CPLANE1: variants seen among roughly 807,000 people sequenced by gnomAD.
The protein encoded by CPLANE1 is ciliogenesis and planar polarity effector complex subunit 1.
Under a neutral mutation model 362.5 loss-of-function variants are expected in CPLANE1, and 263 were observed. The ratio of observed to expected loss-of-function variants is 0.73; its 90% CI spans 0.66 to 0.80. The LOEUF (loss-of-function observed/expected upper bound fraction) is 0.80, where lower values mean the gene tolerates loss of function less well. Ranked by LOEUF, CPLANE1 falls within the 30% of genes least tolerant of loss-of-function variation. The pLI is 0.00. For synonymous variants in CPLANE1, 1,212 were observed against 1,302.6 expected (o/e 0.93, Z 1.50); for missense variants, 3,461 against 3,793.4 (o/e 0.91, Z 2.30).
chr5:37,176,879 C>A (rs1481111685), intron 30 of CPLANE1, among the ~76,000 whole-genome samples: 1 of 152,018 alleles, frequency 6.6e-6, no homozygotes, highest in Non-Finnish European at 1.5e-5. Context: ...CTGCCTCAGC[C>A]TCCCGAGTAG....
At position 37,125,336 on chromosome 5, in the gene CPLANE1, T is replaced by C; in HGVS notation, c.8866A>G (p.Arg2956Gly). The change falls in exon 47 of 53, where the codon AGA becomes GGA. Residue 2956 changes from arginine (R) to glycine (G), a missense_variant. By Grantham distance (125) the Arg-to-Gly change is moderately radical. Coordinates refer to ENST00000651892, the MANE Select transcript of CPLANE1 (RefSeq NM_001384732.1). ...TTTGCCATTCTTTCTTTTCGTTTTC[T>C]TTTCATCCAGGCTTGAATCTCTCTT... ...ERREIQAWMK[R>G]KRKERMAKYL... 6.2e-7 allele frequency: 1 copy of C among 1,614,074 alleles called. No individual in the cohort carries two copies. Among genetic ancestry groups the C allele is most frequent in the Non-Finnish European group, 8.5e-7 (1 of 1,179,974 alleles).
downstream of CPLANE1, among the ~76,000 whole-genome samples, chr5:37,105,512 A>G (rs1302893970): frequency 6.6e-6 from 1 of 152,170 alleles, no homozygotes; most frequent in Admixed American, 6.5e-5. Flanking sequence ...CACATATAAA[A>G]ACCAAAATAG....
At chr5:37,095,914 A>C in the CPLANE1 span, among the ~76,000 whole-genome samples, 2 of 152,216 alleles carry the variant, frequency 1.3e-5, no homozygotes, top group African/African-American at 4.8e-5. Context: ...AACAATGCTG[A>C]AGGAAATCAT....
At chr5:37,205,495 G>T in intron 17 of CPLANE1, 41 bp from the exon 18 acceptor site, 1 of 1,357,854 alleles carries the variant, frequency 7.4e-7, no homozygotes, top group Non-Finnish European at 9.8e-7. Context: ...TCCAAATTTT[G>T]AAAAAAAAGG....
chr5:37,082,134 A>G, the CPLANE1 span, among the ~76,000 whole-genome samples: 2 of 152,128 alleles, frequency 1.3e-5, no homozygotes, highest in Admixed American at 1.3e-4. Flanking sequence ...TTAAATGTAG[A>G]GAAATAACAG....
intron 52 of CPLANE1, 60 bp from the exon 53 acceptor site, chr5:37,107,838 A>G (rs971906127): frequency 1.4e-6 from 2 of 1,472,978 alleles, no homozygotes; most frequent in South Asian, 1.4e-5. Context: ...AAAAACAAAA[A>G]CAAAAAAACC....
At chr5:37,160,860 A>G (rs1157601475) in intron 38 of CPLANE1, among the ~76,000 whole-genome samples, 1 of 151,854 alleles carries the variant, frequency 6.6e-6, no homozygotes, top group African/African-American at 2.4e-5. Context: ...TTTAGTAGAG[A>G]TGGGGTTTCA....
At chr5:37,083,658 G>A in the CPLANE1 span, among the ~76,000 whole-genome samples, 8 of 152,198 alleles carry the variant, frequency 5.3e-5, no homozygotes, top group East Asian at 1.9e-4. Flanking sequence ...CAATAAAATC[G>A]AATAAGTAGA....
rs771245317 is a variant in CPLANE1 at position 37,169,450 on chromosome 5, C to A, written c.6574G>T (p.Ala2192Ser). Residue 2192 changes from alanine (A) to serine (S), a missense_variant, in exon 34 of 53, where the codon GCT (alanine) becomes TCT (serine). Physicochemically the swap from Ala to Ser is moderately conservative, Grantham distance 99 (BLOSUM62 1). Around this residue, in one of 2 missense-constraint regions of CPLANE1, gnomAD observed 3,380 missense variants for 3,666.1 expected, o/e 0.92. Transcript: ENST00000651892. ...LPSTSFYPAP[A>S]GNTHLYLLST... ...AAAAGGTAGAGGTGAGTATTTCCAGCAGGAGCTGGATAAAACGAAGTGGAT... is the reference window on the plus strand; with the variant it reads ...AAAAGGTAGAGGTGAGTATTTCCAGAAGGAGCTGGATAAAACGAAGTGGAT... 7 of 1,614,118 alleles carry A rather than the reference C, an allele frequency of 4.3e-6. No individual in the cohort carries two copies. The highest frequency in any genetic ancestry group is 5.9e-6 in the Non-Finnish European group (7 of 1,180,026).
intron 51 of CPLANE1, among the ~76,000 whole-genome samples, chr5:37,112,255 A>G (rs1161803203): frequency 6.6e-6 from 1 of 152,242 alleles, no homozygotes; most frequent in Non-Finnish European, 1.5e-5. Context: ...ATCTTCACCT[A>G]TGGGGTATTA....
chr5:37,231,084 A>G (rs1428627049), intron 8 of CPLANE1, 35 bp from the exon 9 acceptor site: 1 of 1,422,000 alleles, frequency 7.0e-7, no homozygotes, highest in South Asian at 1.5e-5. Context: ...TTTAGAAGAG[A>G]TACTTTACAA....
At position 37,209,380 on chromosome 5, in the gene CPLANE1, A is replaced by AT; in HGVS notation, c.2921-2956_2921-2955insA. ...TGACGGCTGATGATGGCTCAGTCCAACATGCTCCCCGTGGCTGATGTGTTG... is the reference window on the plus strand; with the variant it reads ...TGACGGCTGATGATGGCTCAGTCCAATCATGCTCCCCGTGGCTGATGTGTTG... On this transcript the variant is annotated intron_variant, in intron 16 of 52. Coordinates refer to ENST00000651892, the MANE Select transcript of CPLANE1 (RefSeq NM_001384732.1). The surrounding 1 kb of genome is among the most constrained non-coding windows in gnomAD (Gnocchi z 4.6). 8.8e-7 allele frequency: 1 copy of AT among 1,136,350 alleles called. No individual in the cohort carries two copies. 70.4% of individuals were successfully genotyped at this position (1,136,350 alleles called of 1,614,324 possible).
Position 37,121,682 on chromosome 5 carries a change from T to A in CPLANE1, c.9120A>T (p.Lys3040Asn). The change falls in exon 49 of 53, where the codon AAA becomes AAT. Residue 3040 changes from lysine (K) to asparagine (N), a missense_variant. Transcript: ENST00000651892. ...ESVQLPTLPQ[K>N]PLPNKPSPTQ... ...TAGGGCTGGGTTTGTTAGGCAATGG[T>A]TTCTGTGGTAGAGTTGGTAGCTGTA... 1 of 1,614,160 alleles carries A rather than the reference T, an allele frequency of 6.2e-7. No homozygotes were observed. The highest frequency in any genetic ancestry group is 1.1e-5 in the South Asian group (1 of 91,076).
chr5:37,197,325 G>A (rs1279621241), intron 20 of CPLANE1, among the ~76,000 whole-genome samples: 2 of 152,144 alleles, frequency 1.3e-5, no homozygotes, highest in African/African-American at 4.8e-5. Flanking sequence ...CAAATCTCCT[G>A]GGAAGCATGC....
At chr5:37,197,947 T>G (rs903394541) in intron 20 of CPLANE1, among the ~76,000 whole-genome samples, 11 of 152,192 alleles carry the variant, frequency 7.2e-5, no homozygotes, top group South Asian at 2.1e-4. Flanking sequence ...TCAAAAATAC[T>G]TTTAGATAAC....
chr5:37,155,125 C>T (rs921087531), intron 41 of CPLANE1, among the ~76,000 whole-genome samples: 10 of 152,180 alleles, frequency 6.6e-5, no homozygotes, highest in Non-Finnish European at 1.5e-4. Flanking sequence ...TTATCTCTAG[C>T]CTATCTAGTC....
In CPLANE1 at chr5:37,176,988, G is replaced by T. The variant is rs188715959; in HGVS notation, c.5900+633C>A. On this transcript the variant is annotated intron_variant, in intron 30 of 52. Coordinates refer to ENST00000651892, the MANE Select transcript of CPLANE1 (RefSeq NM_001384732.1). Reference sequence around the variant, plus strand: ...TTAGCCAGGATGGTCTTGATCTCTTGACCTCATGATCCACCCGCCTCGGCC... The same window carrying T: ...TTAGCCAGGATGGTCTTGATCTCTTTACCTCATGATCCACCCGCCTCGGCC... Among the ~76,000 whole-genome samples, 202 of 152,190 alleles carry T rather than the reference G, an allele frequency of 1.3e-3. 1 individual carries two copies. Among genetic ancestry groups the T allele is most frequent in the African/African-American group, 4.7e-3 (195 of 41,522 alleles).
intron 15 of CPLANE1, among the ~76,000 whole-genome samples, chr5:37,217,927 C>T (rs1413968466): frequency 6.6e-6 from 1 of 151,892 alleles, no homozygotes; most frequent in Non-Finnish European, 1.5e-5. Context: ...TTGCAATGAG[C>T]CGAGATCGTG....
chr5:37,173,030 G>A (rs988432990), intron 32 of CPLANE1, among the ~76,000 whole-genome samples: 4 of 152,146 alleles, frequency 2.6e-5, no homozygotes, highest in South Asian at 2.1e-4. Flanking sequence ...AATTAGTGCC[G>A]AGAATCATCA....
Sources: allele counts gnomAD v4.1 joint callset (sites outside exome capture counted in the v4.1 genomes callset), GRCh38; gene constraint gnomAD v4.1.1; regional missense constraint gnomAD v4.1.1; non-coding constraint Gnocchi (gnomAD v3.1); transcripts MANE v1.5; gene names NCBI Gene and HGNC (gene_info 2026-07-23, HGNC 2026-07-21).